BCKDK: variants seen among roughly 807,000 people sequenced by gnomAD.
The protein encoded by BCKDK is branched chain keto acid dehydrogenase kinase, also known as branched-chain alpha-ketoacid dehydrogenase kinase.
A neutral mutation model predicts 43.9 loss-of-function variants in BCKDK; 28 were observed. That is an observed-to-expected ratio of 0.64 (90% confidence interval 0.47 to 0.87). The LOEUF is 0.87. Ranked by LOEUF, BCKDK falls within the 40% of genes least tolerant of loss-of-function variation. The pLI is 0.00. For synonymous variants in BCKDK, 257 were observed against 234.3 expected (o/e 1.10, Z -0.88); for missense variants, 483 against 581.4 (o/e 0.83, Z 1.74).
In BCKDK at chr16:31,109,278, C is replaced by G; in HGVS notation, c.55C>G (p.Pro19Ala). ...TCCCGGGGGCGGGCTTCCGCTCCGG[C>G]CCCTCCTGGGACCCGCACTCGCGCT... The part of the protein sequence containing the change: ...SGPGGGLPLR[P>A]LLGPALALRA... Residue 19 changes from proline to alanine, a missense_variant, in exon 2 of 12, where the codon CCC (proline) becomes GCC (alanine). By Grantham distance (27) the Pro-to-Ala change is conservative. Transcript: ENST00000219794. This position sits in a 1 kb window ranked among gnomAD's most constrained non-coding sequence, Gnocchi z 5.3. 2 of 1,589,392 alleles carry G rather than the reference C, an allele frequency of 1.3e-6. No individual in the cohort carries two copies. The highest frequency in any genetic ancestry group is 2.2e-5 in the South Asian group (2 of 89,348).
rs772393410 is a variant in BCKDK, at chr16:31,112,354, A to G, written c.*89A>G. The G allele has an allele frequency of 1.9e-6, 3 of 1,576,648 alleles. No individual in the cohort carries two copies. The highest frequency in any genetic ancestry group is 2.6e-6 in the Non-Finnish European group (3 of 1,161,584). On this transcript the variant is annotated 3_prime_UTR_variant, in exon 12 of 12. Transcript: ENST00000219794. This position sits in a 1 kb window ranked among gnomAD's most constrained non-coding sequence, Gnocchi z 5.0. ...GTCAGGCAGGGCGGCCCCCTGCTCC[A>G]CACACTGCTGCATCTTGGGTCTCAG...
Position 31,108,922 on chromosome 16 carries a change from T to G in BCKDK, c.-177-125T>G, listed in dbSNP as rs1334409722. ...CCTTTGGGCGCGGCCTGTGTGCATC[T>G]GGGGAGACGGTGGGAGTGGTGGGGA... On this transcript the variant is annotated intron_variant, in intron 1 of 11. Coordinates refer to ENST00000219794, the MANE Select transcript of BCKDK (RefSeq NM_005881.4). This position sits in a 1 kb window ranked among gnomAD's most constrained non-coding sequence, Gnocchi z 6.2. 2 of 264,168 alleles carry G rather than the reference T, an allele frequency of 7.6e-6. No individual in the cohort carries two copies. The highest frequency in any genetic ancestry group is 6.9e-5 in the East Asian group (1 of 14,534). The allele number at this position is 264,168 out of a possible 1,614,324, so 16.4% of individuals were successfully genotyped here.
Position 31,109,311 on chromosome 16 carries a change from C to G in BCKDK, c.88C>G (p.Arg30Gly). Residue 30 changes from arginine to glycine, a missense_variant, in exon 2 of 12, where the codon CGC (arginine) becomes GGC (glycine). Coordinates refer to ENST00000219794, the MANE Select transcript of BCKDK (RefSeq NM_005881.4). This position sits in a 1 kb window ranked among gnomAD's most constrained non-coding sequence, Gnocchi z 5.3. ...LLGPALALRA[R>G]STSATDTHHV... ...GGGACCCGCACTCGCGCTCCGGGCC[C>G]GCTCGACGTCGGCCACCGACACACA... 5.6e-6 allele frequency: 9 copies of G among 1,607,946 alleles called. No homozygotes were observed. The highest frequency in any genetic ancestry group is 5.9e-6 in the Non-Finnish European group (7 of 1,177,298).
At chr16:31,115,409 G>A (rs953306188), downstream of BCKDK, among the ~76,000 whole-genome samples, 10 of 151,626 alleles carry the variant, frequency 6.6e-5, no homozygotes, top group Non-Finnish European at 1.3e-4. Context: ...TTTTAGTAGA[G>A]ATGGGGTTTC....
Position 31,109,826 on chromosome 16 carries a change from G to T in BCKDK, c.375+43G>T. ...TTAGGTCAGCGGGCCACCCTGCCCC[G>T]GGGGCAAGTGGGGAGTCTGGGGCCC... is the stretch of plus-strand genomic sequence containing the variant. On this transcript the variant is annotated intron_variant, in intron 4 of 11. Coordinates refer to ENST00000219794, the MANE Select transcript of BCKDK (RefSeq NM_005881.4). The surrounding 1 kb of genome is among the most constrained non-coding windows in gnomAD (Gnocchi z 5.3). 6.3e-7 allele frequency: 1 copy of T among 1,578,544 alleles called. No homozygotes were observed. The highest frequency in any genetic ancestry group is 8.7e-7 in the Non-Finnish European group (1 of 1,149,448).
At position 31,110,839 on chromosome 16, in the gene BCKDK, T is replaced by C; in HGVS notation, c.716+78T>C. The C allele has an allele frequency of 1.3e-6, 2 of 1,518,248 alleles. No homozygotes were observed. Among genetic ancestry groups the C allele is most frequent in the South Asian group, 1.1e-5 (1 of 88,760 alleles). The allele number at this position is 1,518,248 out of a possible 1,614,324, so 94.0% of individuals were successfully genotyped here. A position where few individuals can be genotyped will look rare whatever the true frequency, so the allele number is the denominator to read the frequency against. ...TGGGTCTGAGCCCTTGCCCGGGGCA[T>C]GATCTGCGGGGAGCAGGGTTTCTCA... On this transcript the variant is annotated intron_variant, in intron 8 of 11. Coordinates refer to ENST00000219794, the MANE Select transcript of BCKDK (RefSeq NM_005881.4). The surrounding 1 kb of genome is among the most constrained non-coding windows in gnomAD (Gnocchi z 5.4).
rs2057415058 is a variant in BCKDK at position 31,111,861 on chromosome 16, C to G, written c.936-8C>G. 2 of 1,613,844 alleles carry G rather than the reference C, an allele frequency of 1.2e-6. No individual in the cohort carries two copies. Among genetic ancestry groups the G allele is most frequent in the African/African-American group, 1.3e-5 (1 of 74,924 alleles). On this transcript the variant is annotated splice_polypyrimidine_tract_variant and splice_region_variant and intron_variant, in intron 10 of 11. Coordinates refer to ENST00000219794, the MANE Select transcript of BCKDK (RefSeq NM_005881.4). ...GAGCCAAGCCCATTGTTGTTGCCAT[C>G]TTGCTAGGATCTCAGACCGTGGTGG... is the stretch of plus-strand genomic sequence containing the variant.
chr16:31,115,123 A>G (rs1461337719), downstream of BCKDK, among the ~76,000 whole-genome samples: 1 of 150,758 alleles, frequency 6.6e-6, no homozygotes. Context: ...GGGTTTCACA[A>G]TGTGGGCCAA....
chr16:31,111,926 C>CTGGACCGGGT lies in BCKDK; in HGVS notation c.993_994insTGGACCGGGT (p.His332TrpfsTer9). 6.2e-7 allele frequency: 1 copy of CTGGACCGGGT among 1,614,180 alleles called. No individual in the cohort carries two copies. Among genetic ancestry groups the CTGGACCGGGT allele is most frequent in the Non-Finnish European group, 8.5e-7 (1 of 1,180,026 alleles). On this transcript the variant is annotated frameshift_variant, in exon 11 of 12. Coordinates refer to ENST00000219794, the MANE Select transcript of BCKDK (RefSeq NM_005881.4). LOFTEE classifies it high-confidence loss of function. ...AAGATCTGGACCGGGTCATGGACTA[C>CTGGACCGGGT]CACTTCACTACTGCTGAGGCCAGCA...
In BCKDK at chr16:31,109,447, C is replaced by G; in HGVS notation, c.195+29C>G. The G allele has an allele frequency of 6.2e-7, 1 of 1,613,144 alleles. No homozygotes were observed. Among genetic ancestry groups the G allele is most frequent in the Middle Eastern group, 1.7e-4 (1 of 6,060 alleles). On this transcript the variant is annotated intron_variant, in intron 2 of 11. Coordinates refer to ENST00000219794, the MANE Select transcript of BCKDK (RefSeq NM_005881.4). The surrounding 1 kb of genome is among the most constrained non-coding windows in gnomAD (Gnocchi z 5.3). ...CGCAAGGGGGCAGCCAGCCCAGGGT[C>G]CGGGATGTAGGCGGGAGGGAGAGTG...
In BCKDK at chr16:31,109,757, G is replaced by T; in HGVS notation, c.349G>T (p.Gly117Cys). Residue 117 changes from glycine (G) to cysteine (C), a missense_variant, in exon 4 of 12, where the codon GGC becomes TGC. By Grantham distance (159) the Gly-to-Cys change is radical. Transcript: ENST00000219794. This position sits in a 1 kb window ranked among gnomAD's most constrained non-coding sequence, Gnocchi z 5.3. ...KGFRCLPFII[G>C]CNPTILHVHE... ...CTTCCGCTGCCTTCCTTTCATCATT[G>T]GCTGCAACCCCACCATACTGCACGT... 6.2e-7 allele frequency: 1 copy of T among 1,613,818 alleles called. No homozygotes were observed. Among genetic ancestry groups the T allele is most frequent in the Non-Finnish European group, 8.5e-7 (1 of 1,180,018 alleles).
At chr16:31,117,136 T>C (rs951568092), downstream of BCKDK, among the ~76,000 whole-genome samples, 7 of 151,656 alleles carry the variant, frequency 4.6e-5, no homozygotes, top group East Asian at 3.9e-4. Context: ...CTTTGGGAGG[T>C]TGAGGCTGGC....
At chr16:31,111,456 AT>A in intron 10 of BCKDK, 67 bp downstream of exon 10, 1 of 1,538,014 alleles carries the variant, frequency 6.5e-7, no homozygotes, top group Non-Finnish European at 9.0e-7. Flanking sequence ...TTCTGACTTG[AT>A]TTAGGACCTT....
chr16:31,109,411 C>T lies in BCKDK; in HGVS notation c.188C>T (p.Ala63Val), dbSNP rs761241643. The change falls in exon 2 of 12, where the codon GCG (alanine) becomes GTG (valine). Residue 63 changes from alanine to valine, a missense_variant. Transcript: ENST00000219794. The surrounding 1 kb of genome is among the most constrained non-coding windows in gnomAD (Gnocchi z 5.3). ...AACCAGTCGGCCATCGACGCGGCAG[C>T]GGAGAAGGTGCGCAAGGGGGCAGCC... ...FYNQSAIDAA[A>V]EKPSVRLTPT... 17 of 1,609,068 alleles carry T rather than the reference C, an allele frequency of 1.1e-5. No homozygotes were observed. Among genetic ancestry groups the T allele is most frequent in the Non-Finnish European group, 1.4e-5 (17 of 1,176,854 alleles).
At chr16:31,115,170 G>T (rs2057439000), downstream of BCKDK, among the ~76,000 whole-genome samples, 1 of 151,312 alleles carries the variant, frequency 6.6e-6, no homozygotes. Context: ...TAATCCACCT[G>T]CTTCGGCCTC....
intron 10 of BCKDK, among the ~76,000 whole-genome samples, chr16:31,111,627 T>C (rs1026163333): frequency 2.6e-5 from 4 of 151,970 alleles, no homozygotes; most frequent in Non-Finnish European, 5.9e-5. Context: ...AATTGAGAAA[T>C]AGTCAGGAGT....
At chr16:31,115,259 G>T (rs1170973740), downstream of BCKDK, among the ~76,000 whole-genome samples, 27 of 118,944 alleles carry the variant, frequency 2.3e-4, no homozygotes, top group Admixed American at 3.1e-4. Context: ...TTTCACTCTT[G>T]TTGCCCAGGC....
At chr16:31,117,610 C>G, downstream of BCKDK, 1 of 1,225,572 alleles carries the variant, frequency 8.2e-7, no homozygotes, top group Non-Finnish European at 1.1e-6. Context: ...GAGGAGCCCG[C>G]CCCACGCACT....
In BCKDK at chr16:31,110,975, T is replaced by A. The variant is rs912648978; in HGVS notation, c.717-116T>A. The A allele has an allele frequency of 6.6e-7, 1 of 1,522,108 alleles. No individual in the cohort carries two copies. Among genetic ancestry groups the A allele is most frequent in the Non-Finnish European group, 8.9e-7 (1 of 1,122,126 alleles). The allele number at this position is 1,522,108 out of a possible 1,614,324, so 94.3% of individuals were successfully genotyped here. ...TGGCGCCAGCAGTACTGCCTAGTTG[T>A]GACAAACAAAAATGTCTCTGCACAT... On this transcript the variant is annotated intron_variant, in intron 8 of 11. Transcript: ENST00000219794. The surrounding 1 kb of genome is among the most constrained non-coding windows in gnomAD (Gnocchi z 5.4).
Sources: allele counts gnomAD v4.1 joint callset (sites outside exome capture counted in the v4.1 genomes callset), GRCh38; gene constraint gnomAD v4.1.1; non-coding constraint Gnocchi (gnomAD v3.1); transcripts MANE v1.5; gene names NCBI Gene and HGNC (gene_info 2026-07-23, HGNC 2026-07-21).